Variants in ELMO1 observed in about 807,000 individuals in gnomAD.
ELMO1 encodes the protein engulfment and cell motility 1.
A neutral mutation model predicts 98.9 loss-of-function variants in ELMO1; 26 were observed. The ratio of observed to expected loss-of-function variants is 0.26; its 90% CI spans 0.19 to 0.36. The LOEUF (loss-of-function observed/expected upper bound fraction) is 0.36. Ranked by LOEUF, ELMO1 falls within the 10% of genes least tolerant of loss-of-function variation. The probability of loss-of-function intolerance (pLI) is 1.00; values close to 1 mark genes in which losing one functional copy is unlikely to be tolerated. For missense variants in ELMO1, 627 were observed against 935.2 expected, an observed-to-expected ratio of 0.67 and a Z score of 4.30; for synonymous variants, 346 against 346.0, an observed-to-expected ratio of 1.00 and a Z score of 0.00.
chr7:36,860,251 G>T (rs1802517876), intron 21 of ELMO1, among the ~76,000 whole-genome samples: 1 of 152,156 alleles, frequency 6.6e-6, no homozygotes. Flanking sequence ...ACTGTGTGGG[G>T]GGTTTGGTGC....
At chr7:37,375,796 G>A (rs1291380420) in intron 1 of ELMO1, 7 of 926,962 alleles carry the variant, frequency 7.6e-6, no homozygotes, top group Non-Finnish European at 1.2e-5. Flanking sequence ...GACTGTGCCT[G>A]CCACTGTACA....
At chr7:37,170,301 C>A (rs529587871) in intron 13 of ELMO1, among the ~76,000 whole-genome samples, 1 of 152,210 alleles carries the variant, frequency 6.6e-6, no homozygotes, top group East Asian at 1.9e-4. Flanking sequence ...GGACAGCAGT[C>A]GCAAAGCAAT....
chr7:37,174,122 C>G (rs1439996985), intron 13 of ELMO1, among the ~76,000 whole-genome samples: 1 of 152,166 alleles, frequency 6.6e-6, no homozygotes, highest in Non-Finnish European at 1.5e-5. Context: ...TAGTCTTCTG[C>G]CCTTCCCCAT....
chr7:37,146,348 T>C (rs879516789), intron 13 of ELMO1, among the ~76,000 whole-genome samples: 2 of 152,194 alleles, frequency 1.3e-5, no homozygotes, highest in Admixed American at 6.5e-5. Flanking sequence ...TGGACCATAC[T>C]ATAAGAACCA....
intron 16 of ELMO1, among the ~76,000 whole-genome samples, chr7:36,896,386 T>C (rs1279431933): frequency 2.0e-5 from 3 of 152,214 alleles, no homozygotes; most frequent in Non-Finnish European, 4.4e-5. Context: ...CGTGAACTAA[T>C]GGTCTCATAA....
intron 7 of ELMO1, among the ~76,000 whole-genome samples, chr7:37,241,380 G>A (rs931489901): frequency 6.6e-6 from 1 of 151,696 alleles, no homozygotes; most frequent in Non-Finnish European, 1.5e-5. Flanking sequence ...TATTTTCAAC[G>A]TACATGTGCC....
intron 15 of ELMO1, among the ~76,000 whole-genome samples, chr7:37,076,752 A>G (rs1262019200): frequency 6.6e-6 from 1 of 152,142 alleles, no homozygotes; most frequent in Non-Finnish European, 1.5e-5. Flanking sequence ...CCTCCTTCCG[A>G]CTGCCAGTGA....
rs371638299 is a variant in ELMO1, at chr7:37,114,112, C to T, written c.1192-17385G>A. On this transcript the variant is annotated intron_variant, in intron 14 of 21. Coordinates refer to ENST00000310758, the MANE Select transcript of ELMO1 (RefSeq NM_014800.11). ...TGAGAGCTGTGGCAAAAGTGCTGAA[C>T]GTTTTTACTCTGAGTTACTGGAGGT... Among the ~76,000 whole-genome samples, 7 of 152,290 alleles carry T rather than the reference C, an allele frequency of 4.6e-5. No homozygotes were observed. In the East Asian group the frequency reaches 1.4e-3, roughly 29 times the overall value.
intron 16 of ELMO1, among the ~76,000 whole-genome samples, chr7:37,012,240 G>C (rs2129172073): frequency 6.6e-6 from 1 of 152,278 alleles, no homozygotes; most frequent in Non-Finnish European, 1.5e-5. Flanking sequence ...AATTGGTGTT[G>C]GTTCAAGATG....
At chr7:37,155,761 T>C (rs1788717301) in intron 13 of ELMO1, among the ~76,000 whole-genome samples, 1 of 152,112 alleles carries the variant, frequency 6.6e-6, no homozygotes, top group South Asian at 2.1e-4. Context: ...ATTAGACAGA[T>C]CAACGAGACA....
chr7:37,197,005 T>C (rs1218111080), intron 13 of ELMO1: 1 of 152,184 alleles, frequency 6.6e-6, no homozygotes, highest in African/African-American at 2.4e-5. Context: ...CTAAAAATGA[T>C]AGATTCTCAG....
At chr7:37,438,587 G>A (rs997517194) in intron 1 of ELMO1, among the ~76,000 whole-genome samples, 1 of 115,098 alleles carries the variant, frequency 8.7e-6, no homozygotes, top group African/African-American at 3.6e-5. Context: ...GCAACAGAAT[G>A]AGACTCTGTC....
intron 16 of ELMO1, chr7:36,985,070 TA>T: frequency 1.0e-6 from 1 of 985,398 alleles, no homozygotes; most frequent in Non-Finnish European, 1.2e-6. Flanking sequence ...ATTGCCTGTT[TA>T]TAGTACTGCT....
chr7:37,363,951 C>G (rs950227721), intron 1 of ELMO1, among the ~76,000 whole-genome samples: 1 of 152,152 alleles, frequency 6.6e-6, no homozygotes, highest in Admixed American at 6.5e-5. Flanking sequence ...CTCTAACCCC[C>G]CACAGGCAAC....
chr7:37,020,383 A>C (rs1794197622), intron 15 of ELMO1, among the ~76,000 whole-genome samples: 1 of 152,210 alleles, frequency 6.6e-6, no homozygotes, highest in Admixed American at 6.5e-5. Context: ...TAGAGTGTGA[A>C]GACATTAGAG....
At chr7:36,929,942 A>T (rs1785899609) in intron 16 of ELMO1, among the ~76,000 whole-genome samples, 1 of 152,240 alleles carries the variant, frequency 6.6e-6, no homozygotes, top group Non-Finnish European at 1.5e-5. Context: ...CTGCTGCTCC[A>T]TGAGATCCAA....
At chr7:37,442,929 G>A (rs572150121) in intron 1 of ELMO1, among the ~76,000 whole-genome samples, 5 of 152,342 alleles carry the variant, frequency 3.3e-5, no homozygotes, top group African/African-American at 7.2e-5. Flanking sequence ...GCAGTAAAAC[G>A]AGTCAGAAAA....
At chr7:36,963,523 G>A (rs1201567320) in intron 16 of ELMO1, among the ~76,000 whole-genome samples, 2 of 152,190 alleles carry the variant, frequency 1.3e-5, no homozygotes, top group Non-Finnish European at 2.9e-5. Flanking sequence ...ACAGAAAAAT[G>A]TCTAAGAGAT....
At chr7:37,375,367 C>T (rs905807879) in intron 1 of ELMO1, among the ~76,000 whole-genome samples, 1 of 152,212 alleles carries the variant, frequency 6.6e-6, no homozygotes, top group African/African-American at 2.4e-5. Context: ...AGCTGGTTAT[C>T]ACTTACCTAT....
Sources: gnomAD v4.1 joint callset for allele counts (sites outside exome capture counted in the v4.1 genomes callset) on GRCh38, gnomAD v4.1.1 for gene constraint, MANE v1.5 for transcripts, NCBI Gene and HGNC (gene_info 2026-07-23, HGNC 2026-07-21) for gene names.